Variants in TNKS1BP1 observed in about 807,000 individuals in gnomAD.
The protein encoded by TNKS1BP1 is 182 kDa tankyrase-1-binding protein.
Under a neutral mutation model 141.1 loss-of-function variants are expected in TNKS1BP1, and 48 were observed. That is an observed-to-expected ratio of 0.34 (90% CI 0.27 to 0.43). TNKS1BP1 has a LOEUF of 0.43. Among genes scored for constraint, TNKS1BP1 ranks in the 20% least tolerant of loss-of-function variants. The pLI is 1.00. For missense variants in TNKS1BP1, 2,149 were observed against 2,226.0 expected (o/e 0.97, Z 0.70); for synonymous variants, 875 against 898.2 (o/e 0.97, Z 0.46).
In TNKS1BP1 at chr11:57,302,490, C is replaced by G. The variant is rs959633983; in HGVS notation, c.4652G>C (p.Arg1551Thr). The G allele has an allele frequency of 1.9e-6, 3 of 1,605,676 alleles. No individual in the cohort carries two copies. In the African/African-American group the frequency reaches 4.0e-5, roughly 21 times the overall value. ...GAAGGAGAAGTCCTGACTGGGGGAT[C>G]TGGCAGGAGGGCCTTGGGAGGGTCG... ...SRRPSQGPPA[R>T]SPSQDFSFIE... is the part of the protein sequence containing the mutation. The change falls in exon 7 of 12, where the codon AGA becomes ACA. Residue 1551 changes from arginine to threonine, a missense_variant. By Grantham distance (71) the Arg-to-Thr change is moderately conservative (BLOSUM62 -1). Coordinates refer to ENST00000358252, the MANE Select transcript of TNKS1BP1 (RefSeq NM_033396.3). The surrounding 1 kb of genome is among the most constrained non-coding windows in gnomAD (Gnocchi z 5.5).
Position 57,308,477 on chromosome 11 carries a change from C to T in TNKS1BP1, c.4234G>A (p.Glu1412Lys). The T allele has an allele frequency of 6.2e-7, 1 of 1,614,172 alleles. No homozygotes were observed. The highest frequency in any genetic ancestry group is 1.1e-5 in the South Asian group (1 of 91,080). Residue 1412 changes from glutamate to lysine, a missense_variant, in exon 6 of 12, where the codon GAA (glutamate) becomes AAA (lysine). Transcript: ENST00000358252. ...GETSGPETQG[E>K]DYSSSSLEPH... ...TCCAAGGAAGACGAGGAGTAATCTT[C>T]ACCCTGGGTCTCTGGCCCACTTGTC... is the stretch of plus-strand genomic sequence containing the variant.
At position 57,302,209 on chromosome 11, in the gene TNKS1BP1, C is replaced by T. The variant is rs769228527; in HGVS notation, c.4699G>A (p.Asp1567Asn). The T allele has an allele frequency of 1.9e-6, 3 of 1,611,876 alleles. No individual in the cohort carries two copies. The highest frequency in any genetic ancestry group is 2.5e-6 in the Non-Finnish European group (3 of 1,179,474). ...GCACGGCTCCGATACATGGCACTGT[C>T]GAGGATCTCGGTGTCCTGCTTGGGG... ...FSFIEDTEILDSAMYRSRANL... is the reference protein window; with the variant it reads ...FSFIEDTEILNSAMYRSRANL... The change falls in exon 8 of 12, where the codon GAC (aspartate) becomes AAC (asparagine). Residue 1567 changes from aspartate (D) to asparagine (N), a missense_variant. Transcript: ENST00000358252. This position sits in a 1 kb window ranked among gnomAD's most constrained non-coding sequence, Gnocchi z 5.5.
intron 4 of TNKS1BP1, among the ~76,000 whole-genome samples, chr11:57,316,606 T>C (rs746916050): frequency 6.6e-6 from 1 of 152,184 alleles, no homozygotes; most frequent in Non-Finnish European, 1.5e-5. Context: ...TCACCCTTGA[T>C]TCTGTGCTCT....
At chr11:57,316,970 C>T (rs912374630) in intron 4 of TNKS1BP1, among the ~76,000 whole-genome samples, 5 of 152,218 alleles carry the variant, frequency 3.3e-5, no homozygotes, top group African/African-American at 1.2e-4. Flanking sequence ...CACCTAACTC[C>T]TCTCTCACTG....
chr11:57,319,996 T>C (rs1273205670), intron 3 of TNKS1BP1, 83 bp downstream of exon 3: 14 of 1,552,070 alleles, frequency 9.0e-6, no homozygotes, highest in South Asian at 7.4e-5. Context: ...TATGGGGCCA[T>C]GCACTTGGTC....
chr11:57,321,744 T>TGCCCC, intron 2 of TNKS1BP1, 48 bp downstream of exon 2: 3 of 1,039,820 alleles, frequency 2.9e-6, no homozygotes, highest in Non-Finnish European at 4.4e-6. Context: ...CCTCTGTCCT[T>TGCCCC]CCCACCCCCC....
chr11:57,304,362 G>A (rs759524622), intron 6 of TNKS1BP1, among the ~76,000 whole-genome samples: 2 of 152,230 alleles, frequency 1.3e-5, no homozygotes, highest in Non-Finnish European at 2.9e-5. Context: ...AGACATTGGG[G>A]GAGGAGGCAG....
Position 57,301,070 on chromosome 11 carries a change from T to C in TNKS1BP1, c.4972-29A>G, listed in dbSNP as rs200419370. The C allele has an allele frequency of 3.9e-5, 61 of 1,582,006 alleles. 1 individual carries two copies. The Admixed American group carries it at 8.3e-4, about 22-fold the overall frequency. ...AGAAGCAAGTCCAGAAGCAGATAGA[T>C]AGTAGAGGGACAGGCAGTAGGACTC... On this transcript the variant is annotated intron_variant, in intron 9 of 11. Transcript: ENST00000358252.
chr11:57,300,474 C>G, intron 11 of TNKS1BP1, 54 bp downstream of exon 11: 2 of 1,567,942 alleles, frequency 1.3e-6, no homozygotes, highest in Admixed American at 3.4e-5. Flanking sequence ...GCCTCCGAAG[C>G]CTCCAGGGCA....
intron 1 of TNKS1BP1, among the ~76,000 whole-genome samples, chr11:57,323,440 C>G (rs976706969): frequency 2.6e-5 from 4 of 152,190 alleles, no homozygotes; most frequent in African/African-American, 9.7e-5. Context: ...TGAGGACAAC[C>G]CAAACTTCTC....
chr11:57,319,068 C>A (rs1274919540), intron 3 of TNKS1BP1, among the ~76,000 whole-genome samples: 1 of 151,446 alleles, frequency 6.6e-6, no homozygotes, highest in African/African-American at 2.4e-5. Context: ...TGGCGTGAAC[C>A]CAGGAGGTGG....
chr11:57,308,193 A>G (rs1266058560), intron 6 of TNKS1BP1, among the ~76,000 whole-genome samples: 1 of 152,254 alleles, frequency 6.6e-6, no homozygotes, highest in East Asian at 1.9e-4. Context: ...GTCATCCTTC[A>G]AAAAAGGAAC....
Position 57,309,493 on chromosome 11 carries a change from C to G in TNKS1BP1, c.3218G>C (p.Ser1073Thr). 6.2e-7 allele frequency: 1 copy of G among 1,613,982 alleles called. No individual in the cohort carries two copies. The highest frequency in any genetic ancestry group is 2.2e-5 in the East Asian group (1 of 44,890). ...CATCTCCCCATCTTCCAGGTCAGCA[C>G]TGCCAGGGCCCTGAGCCCCTGCCTG... ...RQQAGAQGPG[S>T]ADLEDGEMGK... The change falls in exon 6 of 12, where the codon AGT becomes ACT. Residue 1073 changes from serine (S) to threonine (T), a missense_variant. Physicochemically the swap from Ser to Thr is moderately conservative, Grantham distance 58. Coordinates refer to ENST00000358252, the MANE Select transcript of TNKS1BP1 (RefSeq NM_033396.3). The surrounding 1 kb of genome is among the most constrained non-coding windows in gnomAD (Gnocchi z 4.3).
chr11:57,320,927 T>C (rs34014874), intron 2 of TNKS1BP1, among the ~76,000 whole-genome samples: 4,953 of 152,282 alleles, frequency 0.033, 102 homozygotes, highest in Non-Finnish European at 0.045. Flanking sequence ...CCCAAAATGT[T>C]TTAGCCAATT....
In TNKS1BP1 at chr11:57,302,699, C is replaced by T. The variant is rs756547288; in HGVS notation, c.4443G>A (p.Leu1481=). 55 of 1,605,218 alleles carry T rather than the reference C, an allele frequency of 3.4e-5. No homozygotes were observed. The highest frequency in any genetic ancestry group is 6.7e-5 in the Admixed American group (4 of 59,734). The change falls in exon 7 of 12, where the codon CTG becomes CTA. Residue 1481 remains leucine (L), a synonymous_variant. Transcript: ENST00000358252. The surrounding 1 kb of genome is among the most constrained non-coding windows in gnomAD (Gnocchi z 5.5). ...CTGCCCCGGCTCCTTCCTCCTCCAA[C>T]AGGCCCCCAAGGCCCGAGGCCGCTG... ...RESAASGLGG[L]LEEEGAGAGA... is the part of the protein sequence containing the mutation.
At chr11:57,305,558 A>G (rs1483806338) in intron 6 of TNKS1BP1, among the ~76,000 whole-genome samples, 14 of 152,124 alleles carry the variant, frequency 9.2e-5, no homozygotes. Flanking sequence ...TGAGACCTGA[A>G]ATGAGGGAGG....
At chr11:57,308,123 C>T (rs1047552653) in intron 6 of TNKS1BP1, among the ~76,000 whole-genome samples, 20 of 152,180 alleles carry the variant, frequency 1.3e-4, no homozygotes, top group African/African-American at 3.9e-4. Context: ...CCATTTCCCC[C>T]GTCACAGTCA....
Position 57,304,827 on chromosome 11 carries a change from G to A in TNKS1BP1, c.4317-2002C>T, listed in dbSNP as rs377756332. On this transcript the variant is annotated intron_variant, in intron 6 of 11. Coordinates refer to ENST00000358252, the MANE Select transcript of TNKS1BP1 (RefSeq NM_033396.3). Reference sequence around the variant, plus strand: ...GTGGAGGTTGCAGTGAGCCAAGACCGCGCCACTGCACTCCAGCCCAGGCAA... The same window carrying A: ...GTGGAGGTTGCAGTGAGCCAAGACCACGCCACTGCACTCCAGCCCAGGCAA... Among the ~76,000 whole-genome samples the A allele has an allele frequency of 1.6e-4, 23 of 140,154 alleles. No individual in the cohort carries two copies. The South Asian group carries it at 1.9e-3, about 11-fold the overall frequency. 91.9% of individuals were successfully genotyped at this position (140,154 alleles called of 152,430 possible). A position where few individuals can be genotyped will look rare whatever the true frequency, so the allele number is the denominator to read the frequency against.
In TNKS1BP1 at chr11:57,302,335, A is replaced by C; in HGVS notation, c.4684-111T>G. The C allele has an allele frequency of 6.5e-7, 1 of 1,537,574 alleles. No individual in the cohort carries two copies. Among genetic ancestry groups the C allele is most frequent in the Non-Finnish European group, 8.8e-7 (1 of 1,140,714 alleles). On this transcript the variant is annotated intron_variant, in intron 7 of 11. Coordinates refer to ENST00000358252, the MANE Select transcript of TNKS1BP1 (RefSeq NM_033396.3). The surrounding 1 kb of genome is among the most constrained non-coding windows in gnomAD (Gnocchi z 5.5). ...CTCCTGCAGCCGGAGCTTCACGTTCACGTGACGCACCTACAACCCGCTTTC... is the reference window on the plus strand; with the variant it reads ...CTCCTGCAGCCGGAGCTTCACGTTCCCGTGACGCACCTACAACCCGCTTTC...
Sources: gnomAD v4.1 joint callset for allele counts (sites outside exome capture counted in the v4.1 genomes callset) on GRCh38, gnomAD v4.1.1 for gene constraint, Gnocchi (gnomAD v3.1) non-coding constraint, MANE v1.5 for transcripts, NCBI Gene and HGNC (gene_info 2026-07-23, HGNC 2026-07-21) for gene names.